PAMR1: variants seen among roughly 807,000 people sequenced by gnomAD.
PAMR1 encodes inactive serine protease PAMR1.
In PAMR1, 88 loss-of-function variants were observed where a neutral mutation model predicts 81.8. The observed-to-expected ratio is 1.08, with a 90% CI of 0.91 to 1.28. The LOEUF (loss-of-function observed/expected upper bound fraction) is 1.28, where lower values mean the gene tolerates loss of function less well. Among genes scored for constraint, PAMR1 ranks in the 50% most tolerant of loss-of-function variants. The probability of loss-of-function intolerance (pLI) is 0.00; values close to 1 mark genes in which losing one functional copy is unlikely to be tolerated. For synonymous variants in PAMR1, 336 were observed against 345.3 expected (o/e 0.97, Z 0.30); for missense variants, 935 against 919.7 (o/e 1.02, Z -0.21).
At chr11:35,485,580 C>T (rs546981481) in intron 3 of PAMR1, among the ~76,000 whole-genome samples, 10 of 152,298 alleles carry the variant, frequency 6.6e-5, no homozygotes, top group African/African-American at 2.2e-4. Context: ...GATAATACAA[C>T]CTGCCAATGG....
chr11:35,482,673 G>T (rs1354887695), intron 3 of PAMR1, among the ~76,000 whole-genome samples: 2 of 152,180 alleles, frequency 1.3e-5, no homozygotes, highest in African/African-American at 2.4e-5. Flanking sequence ...CATGAGGATG[G>T]AATGTTTTTC....
At chr11:35,457,327 C>T (rs1441659589) in intron 6 of PAMR1, among the ~76,000 whole-genome samples, 3 of 152,030 alleles carry the variant, frequency 2.0e-5, no homozygotes, top group Non-Finnish European at 2.9e-5. Flanking sequence ...CCATCTCTGC[C>T]CTCAGCACTC....
chr11:35,455,359 A>T (rs1465432516), intron 6 of PAMR1, among the ~76,000 whole-genome samples: 2 of 152,218 alleles, frequency 1.3e-5, no homozygotes, highest in Non-Finnish European at 2.9e-5. Flanking sequence ...CTTCATTCCT[A>T]ACCTGGGAGT....
intron 3 of PAMR1, among the ~76,000 whole-genome samples, chr11:35,480,874 G>T (rs540561922): frequency 1.3e-5 from 2 of 151,986 alleles, no homozygotes; most frequent in African/African-American, 4.8e-5. Context: ...GCCCTGACAC[G>T]CTCTGGTGTG....
intron 6 of PAMR1, among the ~76,000 whole-genome samples, chr11:35,456,117 T>C (rs1856525875): frequency 1.3e-5 from 2 of 151,912 alleles, no homozygotes; most frequent in Admixed American, 1.3e-4. Flanking sequence ...AGAGCAAGAG[T>C]AGGGAGAATA....
intron 1 of PAMR1, among the ~76,000 whole-genome samples, chr11:35,501,567 TA>T (rs1419666895): frequency 4.7e-5 from 7 of 147,888 alleles, no homozygotes; most frequent in East Asian, 4.6e-4. Flanking sequence ...TAATTATTAT[TA>T]TTTTTTTTTT....
chr11:35,453,405 C>T (rs910399454), intron 6 of PAMR1: 16 of 152,300 alleles, frequency 1.1e-4, no homozygotes, highest in African/African-American at 2.6e-4. Flanking sequence ...GTGCCAACCA[C>T]GGTGTCTGTA....
In PAMR1 at chr11:35,470,682, C is replaced by G. The variant is rs150779939; in HGVS notation, c.631G>C (p.Gly211Arg). 203 of 1,614,040 alleles carry G rather than the reference C, an allele frequency of 1.3e-4. No individual in the cohort carries two copies. Among genetic ancestry groups the G allele is most frequent in the Non-Finnish European group, 1.6e-4 (193 of 1,180,028 alleles). Reference sequence around the variant, plus strand: ...TGGAAGAGGACGTGGAGTGAGGATCCTATGCTCTGGATAGGAGCTGGCCGC... The same window carrying G: ...TGGAAGAGGACGTGGAGTGAGGATCGTATGCTCTGGATAGGAGCTGGCCGC... ...NERPAPIQSI[G>R]SSLHVLFHSD... The change falls in exon 5 of 11, where the codon GGA becomes CGA. Residue 211 changes from glycine to arginine, a missense_variant. Gly to Arg is a moderately radical substitution (Grantham distance 125). Transcript: ENST00000619888.
At chr11:35,467,104 T>G (rs1856771511) in intron 6 of PAMR1, among the ~76,000 whole-genome samples, 1 of 152,156 alleles carries the variant, frequency 6.6e-6, no homozygotes, top group Admixed American at 6.5e-5. Context: ...TGTGGGCATA[T>G]GAAAGCCCAG....
intron 1 of PAMR1, among the ~76,000 whole-genome samples, chr11:35,511,637 G>A (rs991397575): frequency 9.2e-5 from 14 of 152,092 alleles, no homozygotes; most frequent in African/African-American, 2.7e-4. Flanking sequence ...TATTTTTACC[G>A]TCTGAATTCT....
intron 4 of PAMR1, 42 bp downstream of exon 4, chr11:35,474,588 C>G (rs749008556): frequency 8.5e-7 from 1 of 1,175,880 alleles, no homozygotes; most frequent in South Asian, 1.4e-5. Flanking sequence ...TTTCTGTATC[C>G]TTATAACCTC....
rs566080989 is a variant in PAMR1 at position 35,524,648 on chromosome 11, T to A, written c.73+865A>T. Among the ~76,000 whole-genome samples, 13 of 152,220 alleles carry A rather than the reference T, an allele frequency of 8.5e-5. No individual in the cohort carries two copies. In the South Asian group the frequency reaches 2.7e-3, roughly 32 times the overall value. ...CATTTCTGTACATCTCGGCCTGCCC[T>A]CATCTCATGAGGTCTCACTTTACCC... is the stretch of plus-strand genomic sequence containing the variant. On this transcript the variant is annotated intron_variant, in intron 1 of 10. Coordinates refer to ENST00000619888, the MANE Select transcript of PAMR1 (RefSeq NM_001001991.3).
intron 1 of PAMR1, among the ~76,000 whole-genome samples, chr11:35,508,621 G>A (rs2135416155): frequency 6.8e-6 from 1 of 147,798 alleles, no homozygotes; most frequent in Non-Finnish European, 1.5e-5. Context: ...TTGGTGTACA[G>A]ATTATTTCAT....
chr11:35,457,473 G>A (rs148819011), intron 6 of PAMR1, among the ~76,000 whole-genome samples: 1 of 150,826 alleles, frequency 6.6e-6, no homozygotes, highest in African/African-American at 2.4e-5. Context: ...ATAATTGTGT[G>A]AGCCAATACT....
intron 6 of PAMR1, among the ~76,000 whole-genome samples, chr11:35,444,693 T>C (rs1856254512): frequency 6.6e-6 from 1 of 152,144 alleles, no homozygotes; most frequent in Non-Finnish European, 1.5e-5. Context: ...TTCTGTTCCA[T>C]TGGTCTATGT....
chr11:35,503,281 AGC>A (rs1328401160), intron 1 of PAMR1, among the ~76,000 whole-genome samples: 20 of 122,722 alleles, frequency 1.6e-4, no homozygotes, highest in African/African-American at 6.0e-4. Context: ...TGATGTCTCC[AGC>A]TTTTTTTTTT....
chr11:35,467,339 CCTACCTAGGAG>C (rs1856775554), intron 6 of PAMR1, among the ~76,000 whole-genome samples: 1 of 152,160 alleles, frequency 6.6e-6, no homozygotes, highest in Admixed American at 6.5e-5. Context: ...TTTGGGAAAA[CCTACCTAGGAG>C]ACTCTCTGTC....
intron 1 of PAMR1, among the ~76,000 whole-genome samples, chr11:35,520,584 C>A (rs1440998605): frequency 1.3e-5 from 2 of 152,132 alleles, no homozygotes; most frequent in Non-Finnish European, 2.9e-5. Flanking sequence ...AATTTAGGAA[C>A]TGGAAAATGT....
chr11:35,515,848 T>C lies in PAMR1; in HGVS notation c.73+9665A>G, dbSNP rs975620470. ...AAGTCTTTTGGGATTCTCTTTTTTT[T>C]TCTCTCTCTGACAGAGTCACAGATG... is the stretch of plus-strand genomic sequence containing the variant. On this transcript the variant is annotated intron_variant, in intron 1 of 10. Coordinates refer to ENST00000619888, the MANE Select transcript of PAMR1 (RefSeq NM_001001991.3). 5.3e-5 allele frequency among the ~76,000 whole-genome samples: 8 copies of C among 151,978 alleles called. No individual in the cohort carries two copies. The South Asian group carries it at 8.3e-4, about 16-fold the overall frequency.
Sources: allele counts gnomAD v4.1 joint callset (sites outside exome capture counted in the v4.1 genomes callset), GRCh38; gene constraint gnomAD v4.1.1; transcripts MANE v1.5; gene names NCBI Gene and HGNC (gene_info 2026-07-23, HGNC 2026-07-21).